The following PAK5 variants were observed in gnomAD, a reference collection of about 807,000 sequenced individuals.
PAK5 encodes p21 (RAC1) activated kinase 5.
In PAK5, 16 loss-of-function variants were observed where a neutral mutation model predicts 65.9. The ratio of observed to expected loss-of-function variants is 0.24; its 90% CI spans 0.16 to 0.37. The LOEUF is 0.37. Among genes scored for constraint, PAK5 ranks in the 10% least tolerant of loss-of-function variants. The pLI, the probability that PAK5 is intolerant of heterozygous loss-of-function variation, is 1.00. For synonymous variants in PAK5, 371 were observed against 354.9 expected, an observed-to-expected ratio of 1.05 and a Z score of -0.51; for missense variants, 785 against 903.9, an observed-to-expected ratio of 0.87 and a Z score of 1.69.
chr20:9,805,543 A>T (rs548050675), intron 1 of PAK5, among the ~76,000 whole-genome samples: 2 of 152,316 alleles, frequency 1.3e-5, no homozygotes, highest in Non-Finnish European at 2.9e-5. Context: ...TTCCACCATA[A>T]AAAGGAACAA....
chr20:9,686,505 C>T (rs754235172), intron 2 of PAK5, among the ~76,000 whole-genome samples: 1 of 152,176 alleles, frequency 6.6e-6, no homozygotes, highest in Non-Finnish European at 1.5e-5. Flanking sequence ...AGGCAATCCT[C>T]CTGCCTCTCC....
At chr20:9,563,608 C>T (rs2045625972) in intron 5 of PAK5, among the ~76,000 whole-genome samples, 1 of 152,174 alleles carries the variant, frequency 6.6e-6, no homozygotes, top group Non-Finnish European at 1.5e-5. Context: ...ATTAAAAAGG[C>T]TAAGGAGCCT....
chr20:9,603,031 T>A (rs1324001079), intron 3 of PAK5, among the ~76,000 whole-genome samples: 1 of 152,244 alleles, frequency 6.6e-6, no homozygotes, highest in Non-Finnish European at 1.5e-5. Flanking sequence ...TGCCTCATTT[T>A]ATCTTAGCAA....
intron 1 of PAK5, among the ~76,000 whole-genome samples, chr20:9,766,016 G>A (rs1289469875): frequency 1.3e-5 from 2 of 152,022 alleles, no homozygotes; most frequent in African/African-American, 2.4e-5. Context: ...GAGGTCAAGA[G>A]ATCAAGACCA....
chr20:9,631,538 C>T (rs1186781410), intron 3 of PAK5, among the ~76,000 whole-genome samples: 3 of 152,176 alleles, frequency 2.0e-5, no homozygotes, highest in Non-Finnish European at 4.4e-5. Context: ...TGGATTCTTC[C>T]CCATTTGAGC....
chr20:9,683,523 C>G (rs1033355931), intron 2 of PAK5, among the ~76,000 whole-genome samples: 2 of 152,130 alleles, frequency 1.3e-5, no homozygotes, highest in African/African-American at 4.8e-5. Context: ...TTTTCTTCCT[C>G]CTTGTTGTCT....
chr20:9,644,716 G>A (rs984765546), intron 2 of PAK5, among the ~76,000 whole-genome samples: 1 of 152,164 alleles, frequency 6.6e-6, no homozygotes, highest in African/African-American at 2.4e-5. Flanking sequence ...CTCTCAGGGA[G>A]ATGACACTTC....
intron 2 of PAK5, among the ~76,000 whole-genome samples, chr20:9,676,456 G>C (rs2047573757): frequency 6.6e-6 from 1 of 152,110 alleles, no homozygotes; most frequent in South Asian, 2.1e-4. Context: ...TCTACAGAAA[G>C]AAAAATAAGA....
At chr20:9,637,834 C>CT (rs561007631) in intron 3 of PAK5, among the ~76,000 whole-genome samples, 2 of 152,172 alleles carry the variant, frequency 1.3e-5, no homozygotes, top group East Asian at 3.9e-4. Context: ...TTAAGATATG[C>CT]TTTTTTTCAT....
chr20:9,806,484 C>T (rs907085569), intron 1 of PAK5, among the ~76,000 whole-genome samples: 12 of 152,260 alleles, frequency 7.9e-5, no homozygotes, highest in Non-Finnish European at 1.3e-4. Context: ...AGGGACAGAA[C>T]GTAAAGACCC....
intron 1 of PAK5, among the ~76,000 whole-genome samples, chr20:9,800,033 A>C (rs1030006463): frequency 1.3e-5 from 2 of 151,904 alleles, no homozygotes; most frequent in Non-Finnish European, 2.9e-5. Flanking sequence ...TCTTCATCAT[A>C]ATTTTCTAAA....
At chr20:9,629,123 TGGGAAGGCAGTG>T (rs769088226) in intron 3 of PAK5, among the ~76,000 whole-genome samples, 66 of 152,158 alleles carry the variant, frequency 4.3e-4, no homozygotes, top group Admixed American at 2.0e-4. Flanking sequence ...AGCCTCTGGA[TGGGAAGGCAGTG>T]GGGAATGTAG....
At chr20:9,639,430 T>C (rs2047022954) in intron 3 of PAK5, among the ~76,000 whole-genome samples, 2 of 152,188 alleles carry the variant, frequency 1.3e-5, no homozygotes, top group African/African-American at 4.8e-5. Flanking sequence ...ATTTTTTGGG[T>C]GTCCTTCAGT....
chr20:9,761,821 T>A (rs960916039), intron 1 of PAK5, among the ~76,000 whole-genome samples: 17 of 150,430 alleles, frequency 1.1e-4, no homozygotes, highest in South Asian at 2.1e-4. Flanking sequence ...AATTTTTTTT[T>A]AAAATGGATT....
intron 1 of PAK5, among the ~76,000 whole-genome samples, chr20:9,737,571 T>C (rs1277705610): frequency 1.3e-5 from 2 of 152,052 alleles, no homozygotes; most frequent in African/African-American, 4.8e-5. Context: ...CAATAACTGA[T>C]AGAATAAATA....
intron 3 of PAK5, among the ~76,000 whole-genome samples, chr20:9,632,154 A>G (rs2046929949): frequency 6.6e-6 from 1 of 152,196 alleles, no homozygotes; most frequent in Non-Finnish European, 1.5e-5. Context: ...GGGGAAAAGA[A>G]GATGTCCCCT....
chr20:9,650,432 A>G (rs1318980003), intron 2 of PAK5, among the ~76,000 whole-genome samples: 1 of 152,168 alleles, frequency 6.6e-6, no homozygotes, highest in African/African-American at 2.4e-5. Context: ...TTGTAGGTGG[A>G]GAAAGAGGTT....
In PAK5 at chr20:9,539,329, C is replaced by G; in HGVS notation, c.*133G>C. 1 of 803,028 alleles carries G rather than the reference C, an allele frequency of 1.2e-6. No individual in the cohort carries two copies. The allele number at this position is 803,028 out of a possible 1,614,324, so 49.7% of individuals were successfully genotyped here. On this transcript the variant is annotated 3_prime_UTR_variant, in exon 10 of 10. Transcript: ENST00000353224. ...AGATGCCCTGGTCTGTTGAACCCTG[C>G]CGGTCATCACGCTGTCCCACCAATT...
At chr20:9,587,136 G>A (rs559700070) in intron 3 of PAK5, among the ~76,000 whole-genome samples, 9 of 152,200 alleles carry the variant, frequency 5.9e-5, no homozygotes, top group African/African-American at 1.2e-4. Flanking sequence ...TGGCCAGGGC[G>A]GGGTGGCGGG....
Sources: gnomAD v4.1 joint callset for allele counts (sites outside exome capture counted in the v4.1 genomes callset) on GRCh38, gnomAD v4.1.1 for gene constraint, MANE v1.5 for transcripts, NCBI Gene and HGNC (gene_info 2026-07-23, HGNC 2026-07-21) for gene names.